NTRK2: variants seen among roughly 807,000 people sequenced by gnomAD.
The protein encoded by NTRK2 is neurotrophic receptor tyrosine kinase 2.
Under a neutral mutation model 94.5 loss-of-function variants are expected in NTRK2, and 13 were observed. The observed-to-expected ratio is 0.14, with a 90% CI of 0.09 to 0.22. The LOEUF is 0.22. Among genes scored for constraint, NTRK2 ranks in the 10% least tolerant of loss-of-function variants. The pLI, the probability that NTRK2 is intolerant of heterozygous loss-of-function variation, is 1.00. For missense variants in NTRK2, 639 were observed against 1,071.2 expected (o/e 0.60, Z 5.63); for synonymous variants, 372 against 407.4 (o/e 0.91, Z 1.05).
At chr9:84,795,665 G>C (rs1395019026) in intron 12 of NTRK2, among the ~76,000 whole-genome samples, 1 of 152,088 alleles carries the variant, frequency 6.6e-6, no homozygotes, top group Non-Finnish European at 1.5e-5. Context: ...GAGGGTTCGG[G>C]CCCCCACAGT....
intron 14 of NTRK2, among the ~76,000 whole-genome samples, chr9:84,913,323 T>C (rs763686606): frequency 2.0e-5 from 3 of 152,202 alleles, no homozygotes; most frequent in African/African-American, 4.8e-5. Flanking sequence ...TCAAATAAAG[T>C]GTGGAAGCCT....
intron 17 of NTRK2, among the ~76,000 whole-genome samples, chr9:84,968,717 C>T (rs17332552): frequency 0.031 from 4,763 of 152,272 alleles, 97 homozygotes; most frequent in Middle Eastern, 0.068. Flanking sequence ...GTAAAGAAGT[C>T]GGCTCTGTCT....
chr9:84,885,556 A>G (rs1485817734), intron 14 of NTRK2, among the ~76,000 whole-genome samples: 1 of 152,164 alleles, frequency 6.6e-6, no homozygotes, highest in Non-Finnish European at 1.5e-5. Flanking sequence ...CATGTCGAAC[A>G]CATGGAAAAC....
At chr9:84,780,482 TG>T (rs1218072056) in intron 12 of NTRK2, among the ~76,000 whole-genome samples, 2 of 152,182 alleles carry the variant, frequency 1.3e-5, no homozygotes, top group East Asian at 1.9e-4. Context: ...GTTGTGGAGA[TG>T]GGGATCTTGC....
At chr9:84,876,226 C>A (rs2076062316) in intron 14 of NTRK2, 1 of 1,041,960 alleles carries the variant, frequency 9.6e-7, no homozygotes. Flanking sequence ...ATAGAGAGGA[C>A]AGGATAAAGC....
At chr9:84,917,333 C>G (rs535511965) in intron 14 of NTRK2, among the ~76,000 whole-genome samples, 1 of 152,174 alleles carries the variant, frequency 6.6e-6, no homozygotes, top group African/African-American at 2.4e-5. Context: ...ATGATCGTTT[C>G]TGGGTTTCTG....
intron 14 of NTRK2, among the ~76,000 whole-genome samples, chr9:84,893,213 C>G (rs1009418953): frequency 6.6e-6 from 1 of 152,154 alleles, no homozygotes; most frequent in Non-Finnish European, 1.5e-5. Flanking sequence ...GAGGCAATCA[C>G]TGTTCCGACT....
chr9:84,929,975 T>C (rs1041536460), intron 14 of NTRK2, among the ~76,000 whole-genome samples: 3 of 152,220 alleles, frequency 2.0e-5, no homozygotes, highest in African/African-American at 7.2e-5. Context: ...CATGTGAGAA[T>C]TTTGCATGCT....
intron 9 of NTRK2, among the ~76,000 whole-genome samples, chr9:84,740,379 A>C (rs956119526): frequency 5.9e-5 from 9 of 152,244 alleles, no homozygotes; most frequent in African/African-American, 2.2e-4. Context: ...GATAACTCAA[A>C]ATGAGTTTGA....
At chr9:84,709,129 A>G (rs1371650928) in intron 5 of NTRK2, among the ~76,000 whole-genome samples, 1 of 152,230 alleles carries the variant, frequency 6.6e-6, no homozygotes. Context: ...AAGGGAGAAA[A>G]GTTTCTATGT....
intron 17 of NTRK2, among the ~76,000 whole-genome samples, chr9:84,986,172 T>C (rs1415413144): frequency 6.6e-6 from 1 of 152,104 alleles, no homozygotes; most frequent in Non-Finnish European, 1.5e-5. Flanking sequence ...CCGTGTGATG[T>C]TGTGACATTT....
intron 12 of NTRK2, chr9:84,810,980 G>A (rs1240428587): frequency 5.4e-6 from 6 of 1,113,236 alleles, no homozygotes; most frequent in Non-Finnish European, 6.6e-6. Flanking sequence ...GACCTGCAAA[G>A]TTAAAAAAAA....
chr9:84,806,818 T>A (rs1320610779), intron 12 of NTRK2, among the ~76,000 whole-genome samples: 2 of 152,216 alleles, frequency 1.3e-5, no homozygotes, highest in African/African-American at 4.8e-5. Context: ...TGATGGAAAG[T>A]TTTTGAACCC....
Position 84,691,579 on chromosome 9 carries a change from C to G in NTRK2, c.213-10580C>G, listed in dbSNP as rs550696727. Among the ~76,000 whole-genome samples, 4 of 152,260 alleles carry G rather than the reference C, an allele frequency of 2.6e-5. No homozygotes were observed. The South Asian group carries it at 8.3e-4, about 32-fold the overall frequency. On this transcript the variant is annotated intron_variant, in intron 2 of 18. Transcript: ENST00000277120. ...ACAAGCAGATGGTGGGGGCTGACAT[C>G]CTTTTATAAAGACCAAGCAGCCTGG...
intron 17 of NTRK2, among the ~76,000 whole-genome samples, chr9:84,999,516 A>G (rs1300210882): frequency 6.6e-6 from 1 of 152,230 alleles, no homozygotes; most frequent in Admixed American, 6.5e-5. Flanking sequence ...TACTATTGCT[A>G]TACTGATACA....
rs1265797919 is a variant in NTRK2, at chr9:85,021,441, C to T, written c.*4C>T. 1 of 1,614,088 alleles carries T rather than the reference C, an allele frequency of 6.2e-7. No homozygotes were observed. The highest frequency in any genetic ancestry group is 1.7e-5 in the Admixed American group (1 of 60,018). ...CTACCTGGACATTCTAGGCTAGGGC[C>T]CTTTTCCCCAGACCGATCCTTCCCA... On this transcript the variant is annotated 3_prime_UTR_variant, in exon 19 of 19. Transcript: ENST00000277120.
intron 14 of NTRK2, among the ~76,000 whole-genome samples, chr9:84,867,953 A>G (rs977152403): frequency 2.0e-5 from 3 of 152,196 alleles, no homozygotes; most frequent in Admixed American, 6.5e-5. Context: ...CACAATAGCA[A>G]AGAGACATGG....
chr9:84,771,552 A>G (rs927027178), intron 12 of NTRK2, among the ~76,000 whole-genome samples: 8 of 152,188 alleles, frequency 5.3e-5, no homozygotes, highest in African/African-American at 1.7e-4. Context: ...AAAATACACA[A>G]AAGCCATACT....
intron 17 of NTRK2, among the ~76,000 whole-genome samples, chr9:84,972,846 A>G (rs952199847): frequency 2.6e-5 from 4 of 152,202 alleles, no homozygotes; most frequent in Admixed American, 2.0e-4. Context: ...ATTTCTATAC[A>G]TTTATTTTAG....
Sources: allele counts gnomAD v4.1 joint callset (sites outside exome capture counted in the v4.1 genomes callset), GRCh38; gene constraint gnomAD v4.1.1; transcripts MANE v1.5; gene names NCBI Gene and HGNC (gene_info 2026-07-23, HGNC 2026-07-21).